The following LPCAT1 variants were observed in gnomAD, a reference collection of about 807,000 sequenced individuals.
The protein encoded by LPCAT1 is 1-acylglycerol-3-phosphate O-acyltransferase.
Under a neutral mutation model 60.9 loss-of-function variants are expected in LPCAT1, and 23 were observed. The ratio of observed to expected loss-of-function variants is 0.38; its 90% confidence interval spans 0.27 to 0.53. The LOEUF (loss-of-function observed/expected upper bound fraction) is 0.53. Ranked by LOEUF, LPCAT1 falls within the 20% of genes least tolerant of loss-of-function variation. The pLI is 0.82. For missense variants in LPCAT1, 622 were observed against 723.6 expected (o/e 0.86, Z 1.61); for synonymous variants, 340 against 301.1 (o/e 1.13, Z -1.34).
chr5:1,475,449 C>T (rs1167447651), intron 9 of LPCAT1, among the ~76,000 whole-genome samples: 4 of 152,244 alleles, frequency 2.6e-5, no homozygotes, highest in Non-Finnish European at 4.4e-5. Context: ...TCCCCGGCCT[C>T]TCCTGATGGC....
intron 12 of LPCAT1, among the ~76,000 whole-genome samples, chr5:1,469,665 T>A (rs1369874745): frequency 6.6e-6 from 1 of 152,104 alleles, no homozygotes; most frequent in African/African-American, 2.4e-5. Flanking sequence ...TAATCCCAGC[T>A]ACTTGGGAGG....
intron 3 of LPCAT1, among the ~76,000 whole-genome samples, chr5:1,490,109 CCACT>C (rs1450141143): frequency 2.0e-5 from 3 of 152,180 alleles, no homozygotes; most frequent in African/African-American, 7.2e-5. Flanking sequence ...TCCATGGCAC[CCACT>C]GAGGACACGG....
chr5:1,509,544 C>G (rs1020075691), intron 1 of LPCAT1, among the ~76,000 whole-genome samples: 21 of 152,180 alleles, frequency 1.4e-4, no homozygotes, highest in African/African-American at 5.1e-4. Flanking sequence ...CTTCCATCAG[C>G]AAACACCACC....
At chr5:1,479,365 A>G (rs1028509069) in intron 8 of LPCAT1, 3 of 531,104 alleles carry the variant, frequency 5.6e-6, no homozygotes, top group Non-Finnish European at 3.4e-6. Flanking sequence ...ACAGAGCAAG[A>G]CAAAATGCTG....
intron 13 of LPCAT1, among the ~76,000 whole-genome samples, chr5:1,465,180 CAA>C (rs1734310336): frequency 1.4e-5 from 2 of 145,716 alleles, no homozygotes; most frequent in African/African-American, 5.1e-5. Context: ...ACACACAAAA[CAA>C]GCGCACGCGC....
At position 1,463,476 on chromosome 5, in the gene LPCAT1, C is replaced by A. The variant is rs1734191220; in HGVS notation, c.*175G>T. 2 of 691,284 alleles carry A rather than the reference C, an allele frequency of 2.9e-6. No homozygotes were observed. Among genetic ancestry groups the A allele is most frequent in the Non-Finnish European group, 2.4e-6 (1 of 421,340 alleles). 42.8% of individuals were successfully genotyped at this position (691,284 alleles called of 1,614,324 possible). ...TCTCGCACAGTAAGCGTCGGTTCTGCAACACACTTCACAAAGGAACAAGAT... is the reference window on the plus strand; with the variant it reads ...TCTCGCACAGTAAGCGTCGGTTCTGAAACACACTTCACAAAGGAACAAGAT... On this transcript the variant is annotated 3_prime_UTR_variant, in exon 14 of 14. Coordinates refer to ENST00000283415, the MANE Select transcript of LPCAT1 (RefSeq NM_024830.5).
chr5:1,486,698 C>G (rs1240476578), intron 5 of LPCAT1, among the ~76,000 whole-genome samples: 1 of 152,152 alleles, frequency 6.6e-6, no homozygotes, highest in Non-Finnish European at 1.5e-5. Context: ...AATTTCACCT[C>G]CAAACAGGAG....
intron 3 of LPCAT1, 49 bp downstream of exon 3, chr5:1,494,648 TCAC>T: frequency 1.3e-6 from 2 of 1,524,424 alleles, no homozygotes; most frequent in Non-Finnish European, 1.8e-6. Context: ...GGGGGATCTC[TCAC>T]TCCCAGCAGG....
Position 1,483,364 on chromosome 5 carries a change from A to G in LPCAT1, c.726+64T>C. 6.6e-7 allele frequency: 1 copy of G among 1,507,372 alleles called. No homozygotes were observed. Among genetic ancestry groups the G allele is most frequent in the South Asian group, 1.1e-5 (1 of 89,052 alleles). 93.4% of individuals were successfully genotyped at this position (1,507,372 alleles called of 1,614,324 possible). On this transcript the variant is annotated intron_variant, in intron 6 of 13. Coordinates refer to ENST00000283415, the MANE Select transcript of LPCAT1 (RefSeq NM_024830.5). The surrounding 1 kb of genome is among the most constrained non-coding windows in gnomAD (Gnocchi z 9.2). ...GACAGAGACACAGGTGCACAGAGGC[A>G]GCTCGCAGTTCCCGTTTCCCGGAGA... is the stretch of plus-strand genomic sequence containing the variant.
In LPCAT1 at chr5:1,483,995, C is replaced by T. The variant is rs138087038; in HGVS notation, c.668-509G>A. On this transcript the variant is annotated intron_variant, in intron 5 of 13. Coordinates refer to ENST00000283415, the MANE Select transcript of LPCAT1 (RefSeq NM_024830.5). This position sits in a 1 kb window ranked among gnomAD's most constrained non-coding sequence, Gnocchi z 9.2. ...GGTCCTCATCACCGGCCAATGCTCA[C>T]CCACCTGACGGGGTTAGGGTCTGCC... Among the ~76,000 whole-genome samples, 1,616 of 152,380 alleles carry T rather than the reference C, an allele frequency of 0.011. 22 individuals carry two copies. Among genetic ancestry groups the T allele is most frequent in the South Asian group, 0.043 (209 of 4,830 alleles).
chr5:1,489,724 C>T lies in LPCAT1; in HGVS notation c.606+22G>A, dbSNP rs1489236704. ...CTTTCGGAATAAAACCACTGAAACA[C>T]AATCAGGGCTACGTGCATTACCTGT... On this transcript the variant is annotated intron_variant, in intron 4 of 13. Transcript: ENST00000283415. The T allele has an allele frequency of 2.0e-6, 3 of 1,515,834 alleles. No individual in the cohort carries two copies. The South Asian group carries it at 3.4e-5, about 17-fold the overall frequency. The allele number at this position is 1,515,834 out of a possible 1,614,324, so 93.9% of individuals were successfully genotyped here.
chr5:1,475,440 C>A (rs1209077128), intron 9 of LPCAT1, among the ~76,000 whole-genome samples: 1 of 152,230 alleles, frequency 6.6e-6, no homozygotes, highest in African/African-American at 2.4e-5. Flanking sequence ...CTGGGGCCAT[C>A]CCCGGCCTCT....
Position 1,473,938 on chromosome 5 carries a change from C to T in LPCAT1, c.1179+19G>A, listed in dbSNP as rs373127710. ...AGGAGGTTTTGCCGACACCCCGCTC[C>T]GCAGGCGACAGGCCCTACCTCGTCG... On this transcript the variant is annotated intron_variant, in intron 11 of 13. Transcript: ENST00000283415. The T allele has an allele frequency of 1.9e-5, 30 of 1,606,680 alleles. No homozygotes were observed. The highest frequency in any genetic ancestry group is 1.6e-4 in the Middle Eastern group (1 of 6,064).
rs1734132091 is a variant in LPCAT1 at position 1,462,301 on chromosome 5, TTTCTAA to T, written c.*1344_*1349del. 6.6e-6 allele frequency: 1 copy of T among 152,310 alleles called. No individual in the cohort carries two copies. The highest frequency in any genetic ancestry group is 2.4e-5 in the African/African-American group (1 of 41,334). 9.4% of individuals were successfully genotyped at this position (152,310 alleles called of 1,614,324 possible). A position where few individuals can be genotyped will look rare whatever the true frequency, so the allele number is the denominator to read the frequency against. Reference sequence around the variant, plus strand: ...ATGATTATTGTGCTTGAAGGATGGGTTTCTAATTCTGTCATAAAAAATGATGAAACA... The same window carrying T: ...ATGATTATTGTGCTTGAAGGATGGGTTTCTGTCATAAAAAATGATGAAACA... On this transcript the variant is annotated 3_prime_UTR_variant, in exon 14 of 14. Coordinates refer to ENST00000283415, the MANE Select transcript of LPCAT1 (RefSeq NM_024830.5).
rs961764411 is a variant in LPCAT1 at position 1,496,617 on chromosome 5, G to A, written c.279-1703C>T. Among the ~76,000 whole-genome samples the A allele has an allele frequency of 3.9e-5, 6 of 152,118 alleles. No individual in the cohort carries two copies. Among genetic ancestry groups the A allele is most frequent in the African/African-American group, 1.4e-4 (6 of 41,418 alleles). On this transcript the variant is annotated intron_variant, in intron 2 of 13. Transcript: ENST00000283415. The surrounding 1 kb of genome is among the most constrained non-coding windows in gnomAD (Gnocchi z 4.7). ...GATTAAAACCCGGGCGGCCCTTAGA[G>A]GAACACACCTGCCAGCCCCGAAATC...
intron 1 of LPCAT1, among the ~76,000 whole-genome samples, chr5:1,511,194 G>A (rs936013757): frequency 1.3e-5 from 2 of 152,206 alleles, no homozygotes; most frequent in Non-Finnish European, 2.9e-5. Context: ...CAGCACCTCC[G>A]ACTGCGACCG....
intron 4 of LPCAT1, 100 bp downstream of exon 4, chr5:1,489,646 C>A: frequency 1.1e-6 from 1 of 907,058 alleles, no homozygotes; most frequent in South Asian, 1.3e-5. Context: ...AATCAGAATC[C>A]AGCCCCGGAG....
At chr5:1,497,049 C>A (rs1002705080) in intron 2 of LPCAT1, among the ~76,000 whole-genome samples, 1 of 152,310 alleles carries the variant, frequency 6.6e-6, no homozygotes. Flanking sequence ...AGAGCAGCTG[C>A]ATGGCAGAGA....
rs1011442824 is a variant in LPCAT1 at position 1,521,902 on chromosome 5, A to G, written c.135+1808T>C. On this transcript the variant is annotated intron_variant, in intron 1 of 13. Transcript: ENST00000283415. The surrounding 1 kb of genome is among the most constrained non-coding windows in gnomAD (Gnocchi z 4.3). ...GCCCTGACATCTGTACCTACCCATGAGAGTCTCTGCCCTGCTTCTCGCCAG... is the reference window on the plus strand; with the variant it reads ...GCCCTGACATCTGTACCTACCCATGGGAGTCTCTGCCCTGCTTCTCGCCAG... 3.3e-5 allele frequency among the ~76,000 whole-genome samples: 5 copies of G among 152,180 alleles called. No individual in the cohort carries two copies. The highest frequency in any genetic ancestry group is 7.3e-5 in the Non-Finnish European group (5 of 68,030).
Sources: allele counts gnomAD v4.1 joint callset (sites outside exome capture counted in the v4.1 genomes callset), GRCh38; gene constraint gnomAD v4.1.1; non-coding constraint Gnocchi (gnomAD v3.1); transcripts MANE v1.5; gene names NCBI Gene and HGNC (gene_info 2026-07-23, HGNC 2026-07-21).